The following ZBTB2 variants were observed in gnomAD, a reference collection of about 807,000 sequenced individuals.
ZBTB2 encodes the protein zinc finger and BTB domain containing 2.
ZBTB2 carries 2 observed loss-of-function variants against 39.5 expected under a neutral mutation model. The ratio of observed to expected loss-of-function variants is 0.05; its 90% CI spans 0.02 to 0.16. The LOEUF is 0.16. Among genes scored for constraint, ZBTB2 ranks in the 10% least tolerant of loss-of-function variants. The pLI, the probability that ZBTB2 is intolerant of heterozygous loss-of-function variation, is 1.00. For missense variants in ZBTB2, 391 were observed against 653.0 expected (o/e 0.60, Z 4.37); for synonymous variants, 251 against 256.6 (o/e 0.98, Z 0.21).
Position 151,373,870 on chromosome 6 carries a change from A to ACAAAACAAAAC in ZBTB2, c.-12-222_-12-221insGTTTTGTTTTG, listed in dbSNP as rs1374107838. 1.4e-4 allele frequency among the ~76,000 whole-genome samples: 17 copies of ACAAAACAAAAC among 123,568 alleles called. 1 individual carries two copies. Among genetic ancestry groups the ACAAAACAAAAC allele is most frequent in the African/African-American group, 5.3e-4 (15 of 28,140 alleles). 81.1% of individuals were successfully genotyped at this position (123,568 alleles called of 152,430 possible). A position where few individuals can be genotyped will look rare whatever the true frequency, so the allele number is the denominator to read the frequency against. Reference sequence around the variant, plus strand: ...AAAAAAAAAAAAAAAAAAAAAAAAAAAAAAAAACCAGATGATGCCATTTAA... The same window carrying ACAAAACAAAAC: ...AAAAAAAAAAAAAAAAAAAAAAAAAACAAAACAAAACAAAAAAACCAGATGATGCCATTTAA... On this transcript the variant is annotated intron_variant, in intron 1 of 2. Coordinates refer to ENST00000325144, the MANE Select transcript of ZBTB2 (RefSeq NM_020861.3).
chr6:151,367,014 G>T, intron 2 of ZBTB2, 122 bp from the exon 3 acceptor site: 2 of 1,069,252 alleles, frequency 1.9e-6, no homozygotes, highest in East Asian at 2.5e-5. Flanking sequence ...TTGATTTTTA[G>T]TAAGTTTCAT....
At chr6:151,382,761 G>A (rs1779064650) in intron 1 of ZBTB2, among the ~76,000 whole-genome samples, 1 of 151,684 alleles carries the variant, frequency 6.6e-6, no homozygotes, top group Admixed American at 6.6e-5. Context: ...TTACCATGTT[G>A]GCCAGGTTGG....
intron 1 of ZBTB2, among the ~76,000 whole-genome samples, chr6:151,379,104 A>G (rs1218613714): frequency 6.6e-6 from 1 of 152,214 alleles, no homozygotes; most frequent in African/African-American, 2.4e-5. Context: ...TATACTTATT[A>G]TAAAAGATTC....
chr6:151,364,161 T>G lies in ZBTB2; in HGVS notation c.*1360A>C, dbSNP rs1778587580. The G allele has an allele frequency of 1.3e-5, 2 of 152,488 alleles. No homozygotes were observed. Among genetic ancestry groups the G allele is most frequent in the Non-Finnish European group, 2.9e-5 (2 of 67,996 alleles). The allele number at this position is 152,488 out of a possible 1,614,324, so 9.4% of individuals were successfully genotyped here. On this transcript the variant is annotated 3_prime_UTR_variant, in exon 3 of 3. Transcript: ENST00000325144. Reference sequence around the variant, plus strand: ...ATTCAATGAAAGGATGTATAAAAACTTACAAATTTGAGAACTCAACTATAC... The same window carrying G: ...ATTCAATGAAAGGATGTATAAAAACGTACAAATTTGAGAACTCAACTATAC...
intron 1 of ZBTB2, among the ~76,000 whole-genome samples, chr6:151,390,684 C>G (rs1482330018): frequency 2.0e-5 from 3 of 151,722 alleles, no homozygotes; most frequent in South Asian, 2.1e-4. Flanking sequence ...GTAGCGGCAG[C>G]AGCTGTAGGA....
chr6:151,372,793 T>A (rs935981752), intron 2 of ZBTB2, among the ~76,000 whole-genome samples: 1 of 152,050 alleles, frequency 6.6e-6, no homozygotes, highest in African/African-American at 2.4e-5. Flanking sequence ...GAGATAGGGC[T>A]TAGATAATGA....
At position 151,370,089 on chromosome 6, in the gene ZBTB2, T is replaced by A. The variant is rs545847867; in HGVS notation, c.174-3197A>T. 4.1e-6 allele frequency: 4 copies of A among 978,188 alleles called. No individual in the cohort carries two copies. The South Asian group carries it at 1.9e-4, about 46-fold the overall frequency. 60.6% of individuals were successfully genotyped at this position (978,188 alleles called of 1,614,324 possible). Reference sequence around the variant, plus strand: ...CAGTCCTGTGGAAAGGACATAGTTCTCTACAATATACTTACATCTAAGTAG... The same window carrying A: ...CAGTCCTGTGGAAAGGACATAGTTCACTACAATATACTTACATCTAAGTAG... On this transcript the variant is annotated intron_variant, in intron 2 of 2. Coordinates refer to ENST00000325144, the MANE Select transcript of ZBTB2 (RefSeq NM_020861.3).
At chr6:151,379,619 C>CA in intron 1 of ZBTB2, among the ~76,000 whole-genome samples, 1 of 97,568 alleles carries the variant, frequency 1.0e-5, no homozygotes, top group East Asian at 3.5e-4. Flanking sequence ...GCCTGGGAAA[C>CA]AGAGTGAGAC....
chr6:151,378,961 G>C (rs1260855078), intron 1 of ZBTB2, among the ~76,000 whole-genome samples: 1 of 152,206 alleles, frequency 6.6e-6, no homozygotes, highest in Non-Finnish European at 1.5e-5. Context: ...TAGGTGGCTT[G>C]CCCAAGCTTA....
rs1378006036 is a variant in ZBTB2, at chr6:151,366,361, T to G, written c.705A>C (p.Thr235=). 5 of 1,614,126 alleles carry G rather than the reference T, an allele frequency of 3.1e-6. No individual in the cohort carries two copies. The East Asian group carries it at 1.1e-4, about 36-fold the overall frequency. ...TGATGCTTGGCTTGACGTGGGCTAT[T>G]GTGAGGGACGCAGGCTGCTCATCGG... is the stretch of plus-strand genomic sequence containing the variant. ...SSSDEQPASL[T]IAHVKPSIMK... is the part of the protein sequence containing the mutation. Residue 235 remains threonine, a synonymous_variant, in exon 3 of 3, where the codon ACA becomes ACC. Transcript: ENST00000325144. This position sits in a 1 kb window ranked among gnomAD's most constrained non-coding sequence, Gnocchi z 7.1.
At chr6:151,379,910 C>T (rs567218394) in intron 1 of ZBTB2, among the ~76,000 whole-genome samples, 40 of 152,100 alleles carry the variant, frequency 2.6e-4, no homozygotes, top group South Asian at 1.5e-3. Context: ...TTTCCACAAA[C>T]GGACTAACAT....
chr6:151,390,854 G>A (rs1469216786), intron 1 of ZBTB2, among the ~76,000 whole-genome samples: 5 of 150,916 alleles, frequency 3.3e-5, no homozygotes, highest in South Asian at 4.2e-4. Flanking sequence ...AGGAGGCGGC[G>A]GCGAGGCGTC....
intron 1 of ZBTB2, among the ~76,000 whole-genome samples, chr6:151,385,840 A>AT (rs1779138641): frequency 6.6e-6 from 1 of 152,180 alleles, no homozygotes; most frequent in South Asian, 2.1e-4. Flanking sequence ...GGTCATTTGA[A>AT]TTTTAATACA....
intron 1 of ZBTB2, among the ~76,000 whole-genome samples, chr6:151,384,297 A>G (rs1248558735): frequency 1.3e-5 from 2 of 152,188 alleles, no homozygotes; most frequent in Admixed American, 6.6e-5. Flanking sequence ...ACCCAAGAGG[A>G]TTTTAAGCAG....
intron 1 of ZBTB2, among the ~76,000 whole-genome samples, chr6:151,376,830 C>A (rs1166457042): frequency 6.6e-6 from 1 of 152,216 alleles, no homozygotes; most frequent in Non-Finnish European, 1.5e-5. Flanking sequence ...GACCCAGCAA[C>A]TGCACTCCTG....
Position 151,373,448 on chromosome 6 carries a change from G to C in ZBTB2, c.173+17C>G. 1 of 1,613,906 alleles carries C rather than the reference G, an allele frequency of 6.2e-7. No homozygotes were observed. Among genetic ancestry groups the C allele is most frequent in the Non-Finnish European group, 8.5e-7 (1 of 1,179,868 alleles). ...GAAGTCTACAGTCATTAGGTTATTAGCAACCACTTTAGTTACCTGGTCTGA... is the reference window on the plus strand; with the variant it reads ...GAAGTCTACAGTCATTAGGTTATTACCAACCACTTTAGTTACCTGGTCTGA... On this transcript the variant is annotated intron_variant, in intron 2 of 2. Transcript: ENST00000325144.
At chr6:151,390,762 CCCCT>C (rs1294109419) in intron 1 of ZBTB2, among the ~76,000 whole-genome samples, 1 of 151,168 alleles carries the variant, frequency 6.6e-6, no homozygotes, top group Non-Finnish European at 1.5e-5. Flanking sequence ...CCCTCCCCTC[CCCCT>C]CCCTCCTCCC....
chr6:151,382,383 G>A (rs1447782213), intron 1 of ZBTB2, among the ~76,000 whole-genome samples: 4 of 151,558 alleles, frequency 2.6e-5, no homozygotes, highest in African/African-American at 9.7e-5. Context: ...AGCCTCTAGA[G>A]TAGCTGGGAT....
intron 1 of ZBTB2, among the ~76,000 whole-genome samples, chr6:151,391,032 T>G (rs1188101658): frequency 9.1e-5 from 1 of 10,978 alleles, no homozygotes; most frequent in Non-Finnish European, 2.0e-4. Context: ...CCACCCTCCC[T>G]CCGATCCGCC....
Sources: gnomAD v4.1 joint callset for allele counts (sites outside exome capture counted in the v4.1 genomes callset) on GRCh38, gnomAD v4.1.1 for gene constraint, Gnocchi (gnomAD v3.1) non-coding constraint, MANE v1.5 for transcripts, NCBI Gene and HGNC (gene_info 2026-07-23, HGNC 2026-07-21) for gene names.